The following JMJD1C variants were observed in gnomAD, a reference collection of about 807,000 sequenced individuals.
JMJD1C encodes jumonji domain-containing protein 1C.
In JMJD1C, 31 loss-of-function variants were observed where a neutral mutation model predicts 245.3. The observed-to-expected ratio is 0.13, with a 90% CI of 0.09 to 0.17. The LOEUF is 0.17. Among genes scored for constraint, JMJD1C ranks in the 10% least tolerant of loss-of-function variants. JMJD1C has a pLI of 1.00. For synonymous variants in JMJD1C, 1,057 were observed against 1,017.4 expected (o/e 1.04, Z -0.74); for missense variants, 2,691 against 3,000.2 (o/e 0.90, Z 2.41).
chr10:63,388,376 C>G (rs1246214315), intron 1 of JMJD1C, among the ~76,000 whole-genome samples: 2 of 148,816 alleles, frequency 1.3e-5, no homozygotes, highest in Non-Finnish European at 3.0e-5. Flanking sequence ...ATATACTATA[C>G]CAAACAATGT....
At chr10:63,261,395 A>G (rs1854727637) in intron 3 of JMJD1C, among the ~76,000 whole-genome samples, 1 of 152,148 alleles carries the variant, frequency 6.6e-6, no homozygotes, top group Admixed American at 6.6e-5. Context: ...AGCCTGGTCA[A>G]CATGGCGAAA....
At chr10:63,169,297 C>CT (rs1842130433) in intron 24 of JMJD1C, among the ~76,000 whole-genome samples, 1 of 152,134 alleles carries the variant, frequency 6.6e-6, no homozygotes, top group Admixed American at 6.6e-5. Context: ...TTGCACTTGA[C>CT]TATTAGAGCT....
intron 10 of JMJD1C, 31 bp downstream of exon 10, chr10:63,206,564 T>C (rs765623950): frequency 1.3e-6 from 2 of 1,524,016 alleles, no homozygotes; most frequent in African/African-American, 1.4e-5. Flanking sequence ...CAGCCCATTT[T>C]ACCTGAGATA....
At chr10:63,398,331 T>TA (rs1452417818) in intron 1 of JMJD1C, among the ~76,000 whole-genome samples, 1 of 152,132 alleles carries the variant, frequency 6.6e-6, no homozygotes, top group African/African-American at 2.4e-5. Flanking sequence ...GTTAAAGAAA[T>TA]AAAGTCATTT....
In JMJD1C at chr10:63,191,108, T is replaced by C. The variant is rs1420221889; in HGVS notation, c.6077A>G (p.Glu2026Gly). 14 of 1,604,952 alleles carry C rather than the reference T, an allele frequency of 8.7e-6. No individual in the cohort carries two copies. The highest frequency in any genetic ancestry group is 1.7e-5 in the Admixed American group (1 of 59,708). The change falls in exon 17 of 26, where the codon GAA becomes GGA. Residue 2026 changes from glutamate to glycine, a missense_variant and splice_region_variant. Transcript: ENST00000399262. ...GTTTTCAAGGGTAAGTTCTTTGTTTTCTGAAATAGAAAATTTCACAGATTT... is the reference window on the plus strand; with the variant it reads ...GTTTTCAAGGGTAAGTTCTTTGTTTCCTGAAATAGAAAATTTCACAGATTT... ...AEQKAREEKKENKELTLENQI... is the reference protein window; with the variant it reads ...AEQKAREEKKGNKELTLENQI...
intron 1 of JMJD1C, among the ~76,000 whole-genome samples, chr10:63,507,441 C>T (rs957113143): frequency 1.3e-5 from 2 of 151,716 alleles, no homozygotes; most frequent in African/African-American, 2.4e-5. Context: ...GTCAGGAGAT[C>T]GAGACCAGCC....
intron 2 of JMJD1C, among the ~76,000 whole-genome samples, chr10:63,367,618 C>T (rs539713216): frequency 6.6e-6 from 1 of 152,326 alleles, no homozygotes; most frequent in South Asian, 2.1e-4. Context: ...CTTCAACTTG[C>T]CTAAGCCAAT....
intron 1 of JMJD1C, among the ~76,000 whole-genome samples, chr10:63,488,529 G>T (rs1954068381): frequency 1.3e-5 from 1 of 75,054 alleles, no homozygotes; most frequent in Non-Finnish European, 3.0e-5. Flanking sequence ...AAAATGAGTT[G>T]AAAATGAATG....
At chr10:63,361,224 A>C (rs1215037285) in intron 2 of JMJD1C, among the ~76,000 whole-genome samples, 1 of 152,162 alleles carries the variant, frequency 6.6e-6, no homozygotes, top group Non-Finnish European at 1.5e-5. Flanking sequence ...GGAGTTCGAG[A>C]CCAGCCTGGC....
At chr10:63,309,271 T>A (rs1938772668) in intron 2 of JMJD1C, among the ~76,000 whole-genome samples, 1 of 151,588 alleles carries the variant, frequency 6.6e-6, no homozygotes, top group Non-Finnish European at 1.5e-5. Context: ...GGAAGGTGGA[T>A]CACCTGAGGT....
At chr10:63,404,871 G>C (rs560487808) in intron 1 of JMJD1C, among the ~76,000 whole-genome samples, 24 of 152,258 alleles carry the variant, frequency 1.6e-4, no homozygotes, top group African/African-American at 5.1e-4. Flanking sequence ...GCAGTACATG[G>C]GGTGAAAAGA....
chr10:63,322,641 C>T (rs753009510), intron 2 of JMJD1C, among the ~76,000 whole-genome samples: 28 of 151,586 alleles, frequency 1.8e-4, no homozygotes, highest in Non-Finnish European at 3.2e-4. Flanking sequence ...GGTGAAACCC[C>T]GTCTCTACTA....
chr10:63,321,595 C>A (rs557504990), intron 2 of JMJD1C, among the ~76,000 whole-genome samples: 3 of 152,166 alleles, frequency 2.0e-5, no homozygotes, highest in Non-Finnish European at 4.4e-5. Flanking sequence ...GTTTTTCCTG[C>A]ATCTCTTACC....
chr10:63,336,590 TAAA>T (rs1301010678), intron 2 of JMJD1C, among the ~76,000 whole-genome samples: 5 of 151,960 alleles, frequency 3.3e-5, no homozygotes, highest in Non-Finnish European at 5.9e-5. Flanking sequence ...ATAGAATAAA[TAAA>T]AAAGAAGAAT....
chr10:63,495,490 G>GT (rs1490322131), intron 1 of JMJD1C, among the ~76,000 whole-genome samples: 1 of 152,130 alleles, frequency 6.6e-6, no homozygotes, highest in East Asian at 1.9e-4. Flanking sequence ...AAAATTGATA[G>GT]GCTGCGAGTG....
chr10:63,442,392 A>G (rs1012255670), intron 1 of JMJD1C, among the ~76,000 whole-genome samples: 2 of 152,226 alleles, frequency 1.3e-5, no homozygotes, highest in African/African-American at 4.8e-5. Context: ...ATATATGAAG[A>G]AAGTATGTGT....
At chr10:63,310,846 T>TA (rs1171693235) in intron 2 of JMJD1C, among the ~76,000 whole-genome samples, 3 of 151,898 alleles carry the variant, frequency 2.0e-5, no homozygotes, top group East Asian at 1.9e-4. Context: ...TCAACAAATG[T>TA]AAAAAAAGAT....
intron 1 of JMJD1C, among the ~76,000 whole-genome samples, chr10:63,463,377 G>A (rs909093172): frequency 6.6e-6 from 1 of 152,092 alleles, no homozygotes; most frequent in Non-Finnish European, 1.5e-5. Context: ...ATGTTGCCCA[G>A]GCTAGTCTCA....
At chr10:63,223,515 AT>A (rs975223374) in intron 3 of JMJD1C, among the ~76,000 whole-genome samples, 32 of 152,146 alleles carry the variant, frequency 2.1e-4, no homozygotes, top group African/African-American at 7.2e-4. Context: ...GGCATGAGCC[AT>A]CACGCCTGGC....
Sources: allele counts gnomAD v4.1 joint callset (sites outside exome capture counted in the v4.1 genomes callset), GRCh38; gene constraint gnomAD v4.1.1; transcripts MANE v1.5; gene names NCBI Gene and HGNC (gene_info 2026-07-23, HGNC 2026-07-21).